Variants in PLEKHA6 observed in about 807,000 individuals in gnomAD.
PLEKHA6 encodes the protein pleckstrin homology domain containing A6.
In PLEKHA6, 60 loss-of-function variants were observed where a neutral mutation model predicts 116.7. The ratio of observed to expected loss-of-function variants is 0.51; its 90% CI spans 0.42 to 0.64. PLEKHA6 has a LOEUF of 0.64. Ranked by LOEUF, PLEKHA6 falls within the 30% of genes least tolerant of loss-of-function variation. The pLI, the probability that PLEKHA6 is intolerant of heterozygous loss-of-function variation, is 0.00. For synonymous variants in PLEKHA6, 489 were observed against 556.1 expected, an observed-to-expected ratio of 0.88 and a Z score of 1.70; for missense variants, 1,338 against 1,422.7, an observed-to-expected ratio of 0.94 and a Z score of 0.96.
At chr1:204,327,601 A>G (rs1312955840) in intron 1 of PLEKHA6, among the ~76,000 whole-genome samples, 2 of 152,238 alleles carry the variant, frequency 1.3e-5, no homozygotes, top group African/African-American at 4.8e-5. Flanking sequence ...CCAATGGTCT[A>G]ACTGCAGATT....
At chr1:204,282,591 T>C in intron 1 of PLEKHA6, 1 of 948,484 alleles carries the variant, frequency 1.1e-6, no homozygotes, top group Non-Finnish European at 1.3e-6. Flanking sequence ...CCTTTCTGGT[T>C]GATGAATTAT....
chr1:204,352,891 G>A (rs1386811344), intron 1 of PLEKHA6, among the ~76,000 whole-genome samples: 2 of 152,130 alleles, frequency 1.3e-5, no homozygotes, highest in Non-Finnish European at 2.9e-5. Flanking sequence ...AGGCTGAGGT[G>A]GGAGGACTGC....
intron 2 of PLEKHA6, among the ~76,000 whole-genome samples, chr1:204,371,012 C>A (rs1466010415): frequency 6.7e-6 from 1 of 149,344 alleles, no homozygotes; most frequent in African/African-American, 2.5e-5. Context: ...CGAGATTGTG[C>A]CACTGCACTC....
chr1:204,372,096 C>G (rs1673788307), intron 1 of PLEKHA6, among the ~76,000 whole-genome samples: 1 of 152,198 alleles, frequency 6.6e-6, no homozygotes, highest in Non-Finnish European at 1.5e-5. Flanking sequence ...ACTGCATGAA[C>G]CCATAGTCCT....
intron 21 of PLEKHA6, among the ~76,000 whole-genome samples, chr1:204,226,297 G>A (rs1660358769): frequency 6.6e-6 from 1 of 152,202 alleles, no homozygotes; most frequent in Admixed American, 6.5e-5. Context: ...TTTGGTTTCA[G>A]CACACAGACC....
intron 8 of PLEKHA6, among the ~76,000 whole-genome samples, chr1:204,258,125 C>T (rs181658069): frequency 6.6e-6 from 1 of 152,236 alleles, no homozygotes; most frequent in African/African-American, 2.4e-5. Flanking sequence ...TAGGAAGAAA[C>T]GTGAAGCCTT....
chr1:204,309,900 A>C (rs2103146764), intron 1 of PLEKHA6: 1 of 154,568 alleles, frequency 6.5e-6, no homozygotes, highest in Admixed American at 6.5e-5. Context: ...AAAAGCAGCC[A>C]CTCATAAGTA....
At chr1:204,345,351 C>A (rs1015633093) in intron 1 of PLEKHA6, among the ~76,000 whole-genome samples, 1 of 152,110 alleles carries the variant, frequency 6.6e-6, no homozygotes, top group Admixed American at 6.5e-5. Flanking sequence ...GCCAGGACAG[C>A]TTGACCACAC....
intron 1 of PLEKHA6, among the ~76,000 whole-genome samples, chr1:204,307,665 C>T (rs559796192): frequency 2.4e-4 from 36 of 152,346 alleles, no homozygotes; most frequent in African/African-American, 7.9e-4. Flanking sequence ...ATGGCTTACC[C>T]GCCCTCGCGT....
chr1:204,287,144 C>T (rs1669279038), intron 1 of PLEKHA6, among the ~76,000 whole-genome samples: 1 of 152,148 alleles, frequency 6.6e-6, no homozygotes, highest in African/African-American at 2.4e-5. Context: ...TCTCTTTCCT[C>T]CCAAGAAAGA....
At chr1:204,224,302 G>A (rs917451437) in intron 21 of PLEKHA6, among the ~76,000 whole-genome samples, 3 of 151,854 alleles carry the variant, frequency 2.0e-5, no homozygotes, top group Admixed American at 2.0e-4. Context: ...ACAATGAGAA[G>A]GGGAGACTTA....
chr1:204,255,786 G>C, intron 9 of PLEKHA6: 2 of 671,972 alleles, frequency 3.0e-6, no homozygotes, highest in Non-Finnish European at 5.4e-6. Flanking sequence ...TTAGCGACAA[G>C]GACAAGGAGA....
At chr1:204,354,250 G>A (rs1187670772) in intron 1 of PLEKHA6, among the ~76,000 whole-genome samples, 1 of 152,186 alleles carries the variant, frequency 6.6e-6, no homozygotes, top group Non-Finnish European at 1.5e-5. Flanking sequence ...AGACATAGCT[G>A]AAACCAGGGT....
intron 3 of PLEKHA6, among the ~76,000 whole-genome samples, chr1:204,366,849 G>A (rs1673670931): frequency 6.6e-6 from 1 of 152,222 alleles, no homozygotes; most frequent in Non-Finnish European, 1.5e-5. Context: ...GGCGGTGGGG[G>A]ATTGGAAACG....
At chr1:204,295,124 G>C (rs1670143984) in intron 1 of PLEKHA6, among the ~76,000 whole-genome samples, 1 of 152,180 alleles carries the variant, frequency 6.6e-6, no homozygotes, top group Non-Finnish European at 1.5e-5. Flanking sequence ...GTGGGCTTTT[G>C]TGTGTGTGTC....
At chr1:204,281,524 CA>C in intron 1 of PLEKHA6, among the ~76,000 whole-genome samples, 1 of 141,016 alleles carries the variant, frequency 7.1e-6, no homozygotes, top group Admixed American at 7.1e-5. Context: ...GATTCCGTCT[CA>C]AAAAAACAAA....
chr1:204,298,482 C>G (rs751805887), intron 1 of PLEKHA6, among the ~76,000 whole-genome samples: 1 of 152,150 alleles, frequency 6.6e-6, no homozygotes, highest in Non-Finnish European at 1.5e-5. Context: ...GTCTTTTCTG[C>G]ACATGGAGAA....
intron 10 of PLEKHA6, among the ~76,000 whole-genome samples, chr1:204,249,796 C>A (rs1427191589): frequency 5.3e-5 from 8 of 152,160 alleles, no homozygotes; most frequent in Non-Finnish European, 1.5e-5. Context: ...TCTCACTGGG[C>A]AGATCCACTA....
intron 1 of PLEKHA6, among the ~76,000 whole-genome samples, chr1:204,349,209 G>A (rs1377669151): frequency 6.6e-6 from 1 of 152,184 alleles, no homozygotes; most frequent in African/African-American, 2.4e-5. Flanking sequence ...GGATCTGTTT[G>A]GATCTTGAGA....
Sources: allele counts gnomAD v4.1 joint callset (sites outside exome capture counted in the v4.1 genomes callset), GRCh38; gene constraint gnomAD v4.1.1; transcripts MANE v1.5; gene names NCBI Gene and HGNC (gene_info 2026-07-23, HGNC 2026-07-21).